The following CSMD1 variants were observed in gnomAD, a reference collection of about 807,000 sequenced individuals.
The protein encoded by CSMD1 is CUB and Sushi multiple domains 1.
CSMD1 carries 213 observed loss-of-function variants against 417.5 expected under a neutral mutation model. The ratio of observed to expected loss-of-function variants is 0.51; its 90% CI spans 0.46 to 0.57. The LOEUF (loss-of-function observed/expected upper bound fraction) is 0.57, where lower values mean the gene tolerates loss of function less well. CSMD1 is among the 20% of genes least tolerant of loss of function. CSMD1 has a pLI of 0.00. For synonymous variants in CSMD1, 2,862 were observed against 1,736.8 expected (o/e 1.65, Z -16.11); for missense variants, 6,923 against 4,529.7 (o/e 1.53, Z -15.17).
At chr8:4,057,059 G>C (rs374584948) in intron 3 of CSMD1, among the ~76,000 whole-genome samples, 1 of 152,178 alleles carries the variant, frequency 6.6e-6, no homozygotes, top group Non-Finnish European at 1.5e-5. Context: ...CCAGTAATGG[G>C]ATGCCTGGGT....
At chr8:3,642,504 A>G (rs2449194) in intron 7 of CSMD1, among the ~76,000 whole-genome samples, 96,143 of 152,006 alleles carry the variant, frequency 0.63, 31,094 homozygotes, top group African/African-American at 0.77. Context: ...CTCTCTGGAG[A>G]AAAACTGCCT....
chr8:4,984,168 C>G (rs767254162), intron 1 of CSMD1, among the ~76,000 whole-genome samples: 4 of 152,298 alleles, frequency 2.6e-5, no homozygotes, highest in African/African-American at 4.8e-5. Flanking sequence ...GGTATTACAT[C>G]CTGGAGGTCA....
intron 23 of CSMD1, among the ~76,000 whole-genome samples, chr8:3,326,617 T>C (rs767659780): frequency 2.6e-5 from 4 of 152,256 alleles, no homozygotes; most frequent in Non-Finnish European, 4.4e-5. Flanking sequence ...AGGAATTGTA[T>C]GTTTGCATTC....
In CSMD1 at chr8:3,387,702, G is replaced by A. The variant is rs979349798; in HGVS notation, c.2594-20C>T. 1 of 1,572,452 alleles carries A rather than the reference G, an allele frequency of 6.4e-7. No individual in the cohort carries two copies. Among genetic ancestry groups the A allele is most frequent in the East Asian group, 2.3e-5 (1 of 42,834 alleles). On this transcript the variant is annotated intron_variant, in intron 17 of 69. Transcript: ENST00000635120. ...TCACACCTGGATGCACAGAACGAAT[G>A]CAGTCGATGAGGATCTTTCTGGTTG...
At chr8:3,768,154 G>C (rs1584967148) in intron 5 of CSMD1, among the ~76,000 whole-genome samples, 1 of 152,160 alleles carries the variant, frequency 6.6e-6, no homozygotes, top group Admixed American at 6.5e-5. Context: ...GGACAGTAAG[G>C]TAGGAGAACT....
At chr8:3,826,030 G>A (rs931778043) in intron 5 of CSMD1, among the ~76,000 whole-genome samples, 25 of 152,100 alleles carry the variant, frequency 1.6e-4, no homozygotes, top group Admixed American at 1.4e-3. Context: ...AAAGGCCAAC[G>A]TGTTGTCTTT....
At chr8:4,184,768 A>C (rs191364606) in intron 3 of CSMD1, among the ~76,000 whole-genome samples, 1 of 40,236 alleles carries the variant, frequency 2.5e-5, no homozygotes. Context: ...TGGGTGATGA[A>C]ATAATCTGTA....
chr8:4,738,934 G>A (rs971205339), intron 1 of CSMD1, among the ~76,000 whole-genome samples: 1 of 48,714 alleles, frequency 2.1e-5, no homozygotes, highest in African/African-American at 9.3e-5. Flanking sequence ...TGTGTTAGAA[G>A]GCAATGTCCA....
At chr8:4,241,332 C>T (rs952777183) in intron 3 of CSMD1, among the ~76,000 whole-genome samples, 2 of 152,222 alleles carry the variant, frequency 1.3e-5, no homozygotes, top group Non-Finnish European at 2.9e-5. Context: ...CACGCCTTTG[C>T]CTATTTTTCC....
intron 1 of CSMD1, among the ~76,000 whole-genome samples, chr8:4,943,577 T>C (rs1454853903): frequency 1.3e-5 from 2 of 152,058 alleles, no homozygotes; most frequent in Non-Finnish European, 2.9e-5. Context: ...CCTTTATAAA[T>C]ACCTTTAAAC....
intron 3 of CSMD1, among the ~76,000 whole-genome samples, chr8:4,352,615 G>T (rs952881757): frequency 1.3e-5 from 2 of 152,136 alleles, no homozygotes; most frequent in Non-Finnish European, 2.9e-5. Flanking sequence ...AAAGTCATTT[G>T]CCCCGAGTGA....
chr8:3,291,669 G>T (rs998262734), intron 25 of CSMD1, among the ~76,000 whole-genome samples: 4 of 152,080 alleles, frequency 2.6e-5, no homozygotes, highest in African/African-American at 4.8e-5. Flanking sequence ...GATCGGTGGT[G>T]ATATTACCTT....
intron 1 of CSMD1, among the ~76,000 whole-genome samples, chr8:4,841,947 C>G (rs901947259): frequency 8.9e-5 from 6 of 67,480 alleles, no homozygotes; most frequent in Non-Finnish European, 1.7e-4. Context: ...AAGTTCAGAA[C>G]AATGGATATA....
chr8:4,543,352 G>C (rs144875686), intron 2 of CSMD1, among the ~76,000 whole-genome samples: 1 of 152,118 alleles, frequency 6.6e-6, no homozygotes, highest in Non-Finnish European at 1.5e-5. Flanking sequence ...CGTCCCCATA[G>C]TTCTGCCTTT....
At chr8:3,787,839 C>G (rs1408869888) in intron 5 of CSMD1, among the ~76,000 whole-genome samples, 1 of 152,136 alleles carries the variant, frequency 6.6e-6, no homozygotes, top group East Asian at 1.9e-4. Context: ...TCCTATCTTG[C>G]AAAGCAAGAA....
chr8:2,987,959 A>G (rs529195806), intron 54 of CSMD1, among the ~76,000 whole-genome samples: 1 of 136,808 alleles, frequency 7.3e-6, no homozygotes, highest in African/African-American at 2.6e-5. Flanking sequence ...AATGTGTACC[A>G]TGGGGGTTGG....
At chr8:3,937,847 T>A (rs138704407) in intron 5 of CSMD1, among the ~76,000 whole-genome samples, 1 of 152,130 alleles carries the variant, frequency 6.6e-6, no homozygotes, top group Non-Finnish European at 1.5e-5. Flanking sequence ...AAGTTTATAA[T>A]TAAATTCAAA....
intron 3 of CSMD1, among the ~76,000 whole-genome samples, chr8:4,103,856 GTCTGGTGCTATA>G (rs1801429187): frequency 6.6e-6 from 1 of 152,174 alleles, no homozygotes; most frequent in Non-Finnish European, 1.5e-5. Flanking sequence ...TGGCAGCATT[GTCTGGTGCTATA>G]TCTCTTGCAG....
chr8:3,257,771 G>T (rs570232339), intron 26 of CSMD1, among the ~76,000 whole-genome samples: 27 of 152,262 alleles, frequency 1.8e-4, no homozygotes, highest in African/African-American at 6.5e-4. Flanking sequence ...GGGGGTGGAT[G>T]ATGAGGCTTC....
Sources: allele counts gnomAD v4.1 joint callset (sites outside exome capture counted in the v4.1 genomes callset), GRCh38; gene constraint gnomAD v4.1.1; transcripts MANE v1.5; gene names NCBI Gene and HGNC (gene_info 2026-07-23, HGNC 2026-07-21).